KCNMA1: variants seen among roughly 807,000 people sequenced by gnomAD.
KCNMA1 encodes Calcium-activated potassium channel subunit alpha-1.
In KCNMA1, 29 loss-of-function variants were observed where a neutral mutation model predicts 140.0. The ratio of observed to expected loss-of-function variants is 0.21; its 90% confidence interval spans 0.15 to 0.28. KCNMA1 has a LOEUF of 0.28. Among genes scored for constraint, KCNMA1 ranks in the 10% least tolerant of loss-of-function variants. The probability of loss-of-function intolerance (pLI) is 1.00; values close to 1 mark genes in which losing one functional copy is unlikely to be tolerated. For synonymous variants in KCNMA1, 612 were observed against 611.9 expected, an observed-to-expected ratio of 1.00 and a Z score of 0.00; for missense variants, 880 against 1,602.2, an observed-to-expected ratio of 0.55 and a Z score of 7.70.
chr10:77,620,126 G>A (rs1167725868), intron 1 of KCNMA1, among the ~76,000 whole-genome samples: 1 of 152,220 alleles, frequency 6.6e-6, no homozygotes, highest in Non-Finnish European at 1.5e-5. Context: ...CCTGTCTGTT[G>A]CACCAGTGCC....
At chr10:77,331,664 AAT>A (rs1244801277) in intron 2 of KCNMA1, among the ~76,000 whole-genome samples, 184 of 127,894 alleles carry the variant, frequency 1.4e-3, no homozygotes, top group African/African-American at 5.5e-3. Flanking sequence ...AAAAAAAAAA[AAT>A]CAGCTGGGTA....
chr10:77,569,534 T>G (rs1318040673), intron 1 of KCNMA1, among the ~76,000 whole-genome samples: 1 of 150,918 alleles, frequency 6.6e-6, no homozygotes, highest in Non-Finnish European at 1.5e-5. Context: ...GCTAGCCATA[T>G]GTAGAAAGCT....
intron 3 of KCNMA1, among the ~76,000 whole-genome samples, chr10:77,242,603 A>C (rs560369868): frequency 6.6e-6 from 1 of 152,126 alleles, no homozygotes; most frequent in African/African-American, 2.4e-5. Context: ...TTGTTATCTT[A>C]TTTTTCCTTT....
chr10:77,405,441 G>A (rs2096440313), intron 1 of KCNMA1, among the ~76,000 whole-genome samples: 1 of 152,188 alleles, frequency 6.6e-6, no homozygotes, highest in Non-Finnish European at 1.5e-5. Context: ...AAAGGGCTAT[G>A]AGTATCAGCC....
intron 14 of KCNMA1, 61 bp from the exon 15 acceptor site, chr10:77,039,698 C>A: frequency 2.0e-6 from 2 of 1,024,408 alleles, no homozygotes; most frequent in Non-Finnish European, 3.1e-6. Flanking sequence ...AAAAGGGAAA[C>A]CTGAGTTACA....
At chr10:77,098,017 C>T (rs758235162) in intron 9 of KCNMA1, among the ~76,000 whole-genome samples, 2 of 152,184 alleles carry the variant, frequency 1.3e-5, no homozygotes, top group Non-Finnish European at 2.9e-5. Flanking sequence ...CCCACCTGGG[C>T]CAAAACTTTG....
intron 1 of KCNMA1, among the ~76,000 whole-genome samples, chr10:77,526,843 C>T (rs2055903371): frequency 2.0e-5 from 3 of 152,036 alleles, no homozygotes; most frequent in Admixed American, 2.0e-4. Flanking sequence ...TCTCTCTTCC[C>T]CCTCTCCAAC....
intron 1 of KCNMA1, among the ~76,000 whole-genome samples, chr10:77,543,558 T>C (rs1292273241): frequency 6.6e-6 from 1 of 152,100 alleles, no homozygotes; most frequent in African/African-American, 2.4e-5. Context: ...ACAAAGAAAA[T>C]TCCTGCAAAT....
intron 5 of KCNMA1, among the ~76,000 whole-genome samples, chr10:77,122,843 T>G (rs1377926520): frequency 6.6e-6 from 1 of 152,154 alleles, no homozygotes; most frequent in South Asian, 2.1e-4. Flanking sequence ...CCAGTGTTGA[T>G]GGGGTTATTT....
intron 6 of KCNMA1, among the ~76,000 whole-genome samples, chr10:77,116,965 G>T (rs909714811): frequency 6.6e-6 from 1 of 152,100 alleles, no homozygotes; most frequent in Non-Finnish European, 1.5e-5. Context: ...GCCTCTCCCT[G>T]CACATCTCTT....
chr10:77,637,688 C>T lies in KCNMA1; in HGVS notation c.-46G>A, dbSNP rs1200631653. The T allele has an allele frequency of 2.1e-6, 3 of 1,441,052 alleles. No homozygotes were observed. The highest frequency in any genetic ancestry group is 2.7e-6 in the Non-Finnish European group (3 of 1,109,734). 89.3% of individuals were successfully genotyped at this position (1,441,052 alleles called of 1,614,324 possible). On this transcript the variant is annotated 5_prime_UTR_variant, in exon 1 of 28. Transcript: ENST00000286628. ...CGCAGGGGCTCGGGGGAGCTCCTCC[C>T]GCCGCCAGCGCCACCCCAAACACCC...
chr10:76,899,127 A>T (rs570823307), intron 25 of KCNMA1, among the ~76,000 whole-genome samples: 1 of 152,162 alleles, frequency 6.6e-6, no homozygotes, highest in Non-Finnish European at 1.5e-5. Context: ...GTAATCATCT[A>T]TGAAGAGACA....
chr10:77,053,629 G>A (rs1249116308), intron 14 of KCNMA1, among the ~76,000 whole-genome samples: 1 of 152,184 alleles, frequency 6.6e-6, no homozygotes, highest in Non-Finnish European at 1.5e-5. Context: ...ACACAAAATT[G>A]TAAGCACTGT....
At chr10:77,302,226 C>G (rs1414547663) in intron 2 of KCNMA1, among the ~76,000 whole-genome samples, 3 of 152,158 alleles carry the variant, frequency 2.0e-5, no homozygotes, top group Non-Finnish European at 4.4e-5. Context: ...TGCTCCCAAT[C>G]CATGGATCCA....
chr10:77,126,532 G>A (rs2097736320), intron 5 of KCNMA1, among the ~76,000 whole-genome samples: 1 of 152,080 alleles, frequency 6.6e-6, no homozygotes, highest in African/African-American at 2.4e-5. Flanking sequence ...ATGAATAAAA[G>A]ACATGAGCTA....
intron 2 of KCNMA1, among the ~76,000 whole-genome samples, chr10:77,392,864 C>T (rs975361227): frequency 6.6e-6 from 1 of 152,222 alleles, no homozygotes; most frequent in African/African-American, 2.4e-5. Context: ...CTGTCAGCCT[C>T]GCCCCACCTC....
Position 77,108,588 on chromosome 10 carries a change from A to G in KCNMA1, c.1132-16T>C. On this transcript the variant is annotated splice_polypyrimidine_tract_variant and intron_variant, in intron 8 of 27. Coordinates refer to ENST00000286628, the MANE Select transcript of KCNMA1 (RefSeq NM_001161352.2). This position sits in a 1 kb window ranked among gnomAD's most constrained non-coding sequence, Gnocchi z 4.6. ...CAAACATGGCCTGAGAAGATAGGAG[A>G]CAGAAGAGAGACTAAAAAGACAGGC... 2 of 1,597,978 alleles carry G rather than the reference A, an allele frequency of 1.3e-6. No homozygotes were observed. Among genetic ancestry groups the G allele is most frequent in the Non-Finnish European group, 1.7e-6 (2 of 1,166,286 alleles).
intron 5 of KCNMA1, among the ~76,000 whole-genome samples, chr10:77,178,280 G>A (rs553082877): frequency 1.3e-5 from 2 of 152,262 alleles, no homozygotes; most frequent in East Asian, 1.9e-4. Flanking sequence ...AGGGTGGCCC[G>A]GCATGTGTTC....
At chr10:77,430,418 C>G (rs960720437) in intron 1 of KCNMA1, among the ~76,000 whole-genome samples, 13 of 152,256 alleles carry the variant, frequency 8.5e-5, no homozygotes, top group African/African-American at 2.2e-4. Flanking sequence ...TTCTCAAAAC[C>G]CTCTTTGGAA....
Sources: allele counts gnomAD v4.1 joint callset (sites outside exome capture counted in the v4.1 genomes callset), GRCh38; gene constraint gnomAD v4.1.1; non-coding constraint Gnocchi (gnomAD v3.1); transcripts MANE v1.5; gene names NCBI Gene and HGNC (gene_info 2026-07-23, HGNC 2026-07-21).